NDUFAF2: variants seen among roughly 807,000 people sequenced by gnomAD.
The protein encoded by NDUFAF2 is NADH dehydrogenase [ubiquinone] 1 alpha subcomplex assembly factor 2.
Under a neutral mutation model 22.8 loss-of-function variants are expected in NDUFAF2, and 13 were observed. The observed-to-expected ratio is 0.57, with a 90% CI of 0.37 to 0.91. The LOEUF (loss-of-function observed/expected upper bound fraction) is 0.91, where lower values mean the gene tolerates loss of function less well. NDUFAF2 is among the 40% of genes least tolerant of loss of function. NDUFAF2 has a pLI of 0.01. For synonymous variants in NDUFAF2, 53 were observed against 64.2 expected (o/e 0.83, Z 0.84); for missense variants, 162 against 195.2 (o/e 0.83, Z 1.01).
chr5:61,038,257 C>A lies in NDUFAF2; in HGVS notation c.128-34868C>A, dbSNP rs150002022. 1.8e-3 allele frequency among the ~76,000 whole-genome samples: 280 copies of A among 152,116 alleles called. 3 individuals are homozygous for A. Among genetic ancestry groups the A allele is most frequent in the African/African-American group, 6.6e-3 (272 of 41,510 alleles). On this transcript the variant is annotated intron_variant, in intron 1 of 3. Coordinates refer to ENST00000296597, the MANE Select transcript of NDUFAF2 (RefSeq NM_174889.5). ...ATACTCTAAAAGACATTTGAGAAGA[C>A]TAAGTGAAAGTATAAAAAAGGCAAC...
chr5:61,131,025 G>T, intron 3 of NDUFAF2, among the ~76,000 whole-genome samples: 1 of 152,084 alleles, frequency 6.6e-6, no homozygotes, highest in Admixed American at 6.6e-5. Context: ...GACAACATAA[G>T]AAGTTTCTAC....
intron 1 of NDUFAF2, among the ~76,000 whole-genome samples, chr5:60,986,479 G>T (rs879620374): frequency 4.1e-4 from 63 of 152,254 alleles, no homozygotes; most frequent in South Asian, 1.0e-3. Context: ...AGCATTAAGA[G>T]GGAAATTTCT....
intron 1 of NDUFAF2, among the ~76,000 whole-genome samples, chr5:61,002,220 A>T (rs1678346964): frequency 2.6e-5 from 4 of 152,152 alleles, no homozygotes; most frequent in Admixed American, 2.6e-4. Flanking sequence ...GTCTCCTTTC[A>T]GTTACCTATT....
chr5:61,104,768 GA>G (rs142898305), intron 3 of NDUFAF2, among the ~76,000 whole-genome samples: 82 of 146,490 alleles, frequency 5.6e-4, no homozygotes, highest in African/African-American at 1.8e-3. Context: ...AATTGGCACA[GA>G]AAAAAAAAAC....
At chr5:61,134,065 A>G (rs1753144909) in intron 3 of NDUFAF2, among the ~76,000 whole-genome samples, 1 of 152,224 alleles carries the variant, frequency 6.6e-6, no homozygotes, top group Non-Finnish European at 1.5e-5. Context: ...TTAGTAAGCC[A>G]TGATATAGCT....
At chr5:60,984,814 T>G (rs935630046) in intron 1 of NDUFAF2, among the ~76,000 whole-genome samples, 1 of 152,234 alleles carries the variant, frequency 6.6e-6, no homozygotes, top group African/African-American at 2.4e-5. Flanking sequence ...TATTGAGGTT[T>G]TTTGCATCGA....
chr5:61,126,790 G>A (rs1305492293), intron 3 of NDUFAF2, among the ~76,000 whole-genome samples: 1 of 151,922 alleles, frequency 6.6e-6, no homozygotes, highest in Non-Finnish European at 1.5e-5. Flanking sequence ...AGAAGGAAAA[G>A]CACTACTGAA....
At chr5:61,001,604 A>G (rs1354827845) in intron 1 of NDUFAF2, among the ~76,000 whole-genome samples, 1 of 152,158 alleles carries the variant, frequency 6.6e-6, no homozygotes, top group Non-Finnish European at 1.5e-5. Context: ...CTCGGAAAAT[A>G]TTTTATGACT....
chr5:61,133,333 T>C (rs1048720598), intron 3 of NDUFAF2, among the ~76,000 whole-genome samples: 1 of 152,206 alleles, frequency 6.6e-6, no homozygotes, highest in African/African-American at 2.4e-5. Context: ...AAGCTATTCC[T>C]AAGTTAGGAA....
chr5:60,955,071 A>G (rs946632007), intron 1 of NDUFAF2, among the ~76,000 whole-genome samples: 1 of 152,072 alleles, frequency 6.6e-6, no homozygotes, highest in East Asian at 1.9e-4. Flanking sequence ...TTTTGGTTTG[A>G]CGTAATCAGA....
chr5:61,128,981 C>A (rs1320943199), intron 3 of NDUFAF2, among the ~76,000 whole-genome samples: 1 of 152,148 alleles, frequency 6.6e-6, no homozygotes, highest in Non-Finnish European at 1.5e-5. Flanking sequence ...AAAAAGTGGG[C>A]AAAGTATATG....
intron 3 of NDUFAF2, among the ~76,000 whole-genome samples, chr5:61,111,320 A>G (rs899017611): frequency 4.6e-5 from 7 of 152,192 alleles, no homozygotes; most frequent in South Asian, 2.1e-4. Flanking sequence ...GTAAATATCT[A>G]TTAGGCCCAT....
intron 1 of NDUFAF2, among the ~76,000 whole-genome samples, chr5:60,978,962 G>C (rs765047557): frequency 2.0e-5 from 3 of 152,118 alleles, no homozygotes; most frequent in Non-Finnish European, 4.4e-5. Flanking sequence ...TTCCAACTTG[G>C]ATACCAACTC....
chr5:61,038,838 T>A (rs1751834982), intron 1 of NDUFAF2, among the ~76,000 whole-genome samples: 1 of 152,030 alleles, frequency 6.6e-6, no homozygotes, highest in African/African-American at 2.4e-5. Context: ...ATGCTCTCTT[T>A]GCAGCTATAA....
In NDUFAF2 at chr5:61,075,560, G is replaced by A. The variant is rs1443619582; in HGVS notation, c.217+2346G>A. Among the ~76,000 whole-genome samples, 5 of 152,214 alleles carry A rather than the reference G, an allele frequency of 3.3e-5. No individual in the cohort carries two copies. The East Asian group carries it at 7.7e-4, about 23-fold the overall frequency. On this transcript the variant is annotated intron_variant, in intron 2 of 3. Coordinates refer to ENST00000296597, the MANE Select transcript of NDUFAF2 (RefSeq NM_174889.5). ...ATAGTATAGAATTAAGATGTTTATA[G>A]AAATGTTATAAATAAATGAGTACGT... is the stretch of plus-strand genomic sequence containing the variant.
At chr5:60,986,500 A>G (rs1445282047) in intron 1 of NDUFAF2, among the ~76,000 whole-genome samples, 4 of 152,124 alleles carry the variant, frequency 2.6e-5, no homozygotes, top group Non-Finnish European at 5.9e-5. Context: ...GGCACTATAC[A>G]CTCACATCAA....
chr5:61,017,876 A>G (rs977593844), intron 1 of NDUFAF2, among the ~76,000 whole-genome samples: 1 of 151,972 alleles, frequency 6.6e-6, no homozygotes, highest in African/African-American at 2.4e-5. Flanking sequence ...CAGCCTCCCG[A>G]GTAACTGGGA....
intron 3 of NDUFAF2, chr5:61,114,653 G>A (rs181902627): frequency 9.9e-5 from 15 of 152,264 alleles, no homozygotes; most frequent in African/African-American, 3.6e-4. Context: ...CACAGTCTAG[G>A]CTTGTTTGCA....
chr5:60,950,599 G>A (rs978375703), intron 1 of NDUFAF2, among the ~76,000 whole-genome samples: 8 of 148,758 alleles, frequency 5.4e-5, no homozygotes, highest in Non-Finnish European at 3.0e-5. Context: ...CTTATGAATC[G>A]ATGTTGAATT....
Sources: allele counts gnomAD v4.1 joint callset (sites outside exome capture counted in the v4.1 genomes callset), GRCh38; gene constraint gnomAD v4.1.1; transcripts MANE v1.5; gene names NCBI Gene and HGNC (gene_info 2026-07-23, HGNC 2026-07-21).